ATP10B: variants seen among roughly 807,000 people sequenced by gnomAD.
The protein encoded by ATP10B is phospholipid-transporting ATPase VB.
ATP10B carries 122 observed loss-of-function variants against 141.2 expected under a neutral mutation model. That is an observed-to-expected ratio of 0.86 (90% CI 0.75 to 1.00). The LOEUF (loss-of-function observed/expected upper bound fraction) is 1.00. Among genes scored for constraint, ATP10B ranks in the 50% least tolerant of loss-of-function variants. The pLI is 0.00. For missense variants in ATP10B, 1,876 were observed against 1,825.3 expected, an observed-to-expected ratio of 1.03 and a Z score of -0.51; for synonymous variants, 685 against 692.0, an observed-to-expected ratio of 0.99 and a Z score of 0.16.
intron 1 of ATP10B, among the ~76,000 whole-genome samples, chr5:160,825,239 G>A (rs1206354619): frequency 6.6e-6 from 1 of 152,122 alleles, no homozygotes; most frequent in Non-Finnish European, 1.5e-5. Flanking sequence ...TGAGTGATAT[G>A]GTTTGGCTGT....
chr5:160,570,942 T>C (rs568171194), intron 24 of ATP10B, among the ~76,000 whole-genome samples: 2 of 152,366 alleles, frequency 1.3e-5, no homozygotes, highest in South Asian at 2.1e-4. Flanking sequence ...TAAGAAGTTA[T>C]TAATCTCCAC....
chr5:160,565,984 CA>C (rs2127591573), intron 25 of ATP10B, 84 bp from the exon 26 acceptor site: 1 of 1,307,156 alleles, frequency 7.7e-7, no homozygotes, highest in East Asian at 2.4e-5. Flanking sequence ...CTTTAGAATC[CA>C]ACTCCCTGCC....
chr5:160,734,916 T>C (rs1468792381), intron 2 of ATP10B, among the ~76,000 whole-genome samples: 1 of 151,896 alleles, frequency 6.6e-6, no homozygotes, highest in Non-Finnish European at 1.5e-5. Context: ...GCAAACAGTG[T>C]TGTTATCAGG....
chr5:160,668,435 C>T (rs990775833), intron 7 of ATP10B, among the ~76,000 whole-genome samples: 1 of 152,128 alleles, frequency 6.6e-6, no homozygotes, highest in Non-Finnish European at 1.5e-5. Flanking sequence ...AGCCTCTGGT[C>T]GAAGGGCAGG....
At chr5:160,902,709 T>C in the ATP10B span, among the ~76,000 whole-genome samples, 2 of 152,220 alleles carry the variant, frequency 1.3e-5, no homozygotes, top group South Asian at 2.1e-4. Context: ...CAGTGCTTAG[T>C]ATTTTCTATT....
At chr5:160,766,962 G>C (rs888979293) in intron 2 of ATP10B, among the ~76,000 whole-genome samples, 1 of 152,102 alleles carries the variant, frequency 6.6e-6, no homozygotes, top group Non-Finnish European at 1.5e-5. Context: ...GTCTTTGGGG[G>C]ATTTTTCAAG....
intron 16 of ATP10B, among the ~76,000 whole-genome samples, 175 bp downstream of exon 16, chr5:160,617,689 T>G (rs28412624): frequency 0.018 from 2,748 of 152,302 alleles, 81 homozygotes; most frequent in African/African-American, 0.064. Flanking sequence ...CTCTTCAGAT[T>G]TTGGCTTCCA....
intron 2 of ATP10B, among the ~76,000 whole-genome samples, chr5:160,773,222 T>C (rs1770035148): frequency 1.3e-5 from 2 of 152,204 alleles, no homozygotes; most frequent in South Asian, 4.1e-4. Flanking sequence ...AAGCCTGGTC[T>C]CGTTCCTCAG....
chr5:160,632,093 A>T (rs1194176245), intron 13 of ATP10B, 36 bp downstream of exon 13: 10 of 1,572,374 alleles, frequency 6.4e-6, no homozygotes, highest in Non-Finnish European at 8.7e-6. Flanking sequence ...CTTCCCACAG[A>T]ACACTTACAG....
intron 1 of ATP10B, among the ~76,000 whole-genome samples, chr5:160,836,570 T>TTC (rs201967761): frequency 0.012 from 1,834 of 152,250 alleles, 27 homozygotes; most frequent in Middle Eastern, 0.051. Context: ...ACACCCTACA[T>TTC]TCTCTTCATT....
chr5:160,732,450 T>C (rs1429090007), intron 2 of ATP10B, among the ~76,000 whole-genome samples: 3 of 152,240 alleles, frequency 2.0e-5, no homozygotes, highest in African/African-American at 7.2e-5. Context: ...ATTTAAGTCT[T>C]TAATCTGTTT....
In ATP10B at chr5:160,801,846, C is replaced by T. The variant is rs984799599; in HGVS notation, c.-575-16043G>A. ...AGAGGTTTACGTGATCCTTCCCACACGGTTCTTCGAAACAGATTGGGAAGC... is the reference window on the plus strand; with the variant it reads ...AGAGGTTTACGTGATCCTTCCCACATGGTTCTTCGAAACAGATTGGGAAGC... On this transcript the variant is annotated intron_variant, in intron 1 of 25. Transcript: ENST00000327245. 6.6e-5 allele frequency among the ~76,000 whole-genome samples: 10 copies of T among 152,164 alleles called. No homozygotes were observed. The South Asian group carries it at 8.3e-4, about 13-fold the overall frequency.
intron 2 of ATP10B, among the ~76,000 whole-genome samples, chr5:160,739,900 C>T (rs1767353872): frequency 6.6e-6 from 1 of 152,224 alleles, no homozygotes; most frequent in Non-Finnish European, 1.5e-5. Flanking sequence ...TAGATTTCAG[C>T]TCCTGGGCTC....
intron 24 of ATP10B, among the ~76,000 whole-genome samples, chr5:160,577,627 T>A (rs1381441304): frequency 6.6e-6 from 1 of 152,162 alleles, no homozygotes; most frequent in Non-Finnish European, 1.5e-5. Context: ...GTGCTAGTAT[T>A]TTTATAGACA....
At chr5:160,715,846 G>A (rs1287525971) in intron 3 of ATP10B, among the ~76,000 whole-genome samples, 1 of 151,962 alleles carries the variant, frequency 6.6e-6, no homozygotes, top group Admixed American at 6.6e-5. Flanking sequence ...GAGTAGCTGG[G>A]ATTATAGGTG....
chr5:160,911,942 G>T, the ATP10B span, among the ~76,000 whole-genome samples: 2 of 152,128 alleles, frequency 1.3e-5, no homozygotes, highest in Admixed American at 1.3e-4. Context: ...TTTGGTTAAG[G>T]TCATGATTAT....
At chr5:160,600,436 G>T (rs572003310) in intron 21 of ATP10B, among the ~76,000 whole-genome samples, 1 of 152,130 alleles carries the variant, frequency 6.6e-6, no homozygotes, top group Non-Finnish European at 1.5e-5. Flanking sequence ...TTATTATCTA[G>T]CTCTTTGAAG....
intron 16 of ATP10B, among the ~76,000 whole-genome samples, chr5:160,616,410 T>C (rs1466683762): frequency 6.6e-6 from 1 of 152,216 alleles, no homozygotes; most frequent in Admixed American, 6.5e-5. Context: ...TGAGATCCAA[T>C]GACAGAGGGT....
chr5:160,580,467 TG>T (rs1755470629), intron 24 of ATP10B, among the ~76,000 whole-genome samples: 1 of 18,028 alleles, frequency 5.5e-5, no homozygotes, highest in Non-Finnish European at 2.3e-4. Context: ...TTACATTTAT[TG>T]TTTATGTATG....
Sources: gnomAD v4.1 joint callset for allele counts (sites outside exome capture counted in the v4.1 genomes callset) on GRCh38, gnomAD v4.1.1 for gene constraint, MANE v1.5 for transcripts, NCBI Gene and HGNC (gene_info 2026-07-23, HGNC 2026-07-21) for gene names.